VWA8: variants seen among roughly 807,000 people sequenced by gnomAD.
VWA8 encodes von Willebrand factor A domain containing 8.
VWA8 carries 221 observed loss-of-function variants against 241.5 expected under a neutral mutation model. The observed-to-expected ratio is 0.91, with a 90% confidence interval of 0.82 to 1.02. The LOEUF is 1.02. Among genes scored for constraint, VWA8 ranks in the 50% least tolerant of loss-of-function variants. The pLI, the probability that VWA8 is intolerant of heterozygous loss-of-function variation, is 0.00. For missense variants in VWA8, 2,322 were observed against 2,328.7 expected (o/e 1.00, Z 0.06); for synonymous variants, 852 against 827.1 (o/e 1.03, Z -0.52).
rs550464671 is a variant in VWA8, at chr13:41,951,287, C to T, written c.164-1274G>A. Among the ~76,000 whole-genome samples the T allele has an allele frequency of 1.4e-4, 21 of 152,136 alleles. No individual in the cohort carries two copies. The East Asian group carries it at 2.5e-3, about 18-fold the overall frequency. On this transcript the variant is annotated intron_variant, in intron 1 of 44. Transcript: ENST00000379310. ...CAAAAATTAGCTGGGCGTGGTGGTA[C>T]GTACCTGTAATCCCAGCTACTTGGG...
At chr13:41,643,877 T>C (rs754011098) in intron 37 of VWA8, among the ~76,000 whole-genome samples, 7 of 151,954 alleles carry the variant, frequency 4.6e-5, no homozygotes, top group Non-Finnish European at 8.8e-5. Context: ...TCTAATTTCA[T>C]ACAGTAGCTC....
intron 37 of VWA8, among the ~76,000 whole-genome samples, chr13:41,615,954 CTCAT>C (rs1444893405): frequency 6.6e-6 from 1 of 152,192 alleles, no homozygotes; most frequent in Non-Finnish European, 1.5e-5. Flanking sequence ...AGATCAAATT[CTCAT>C]TCATTTGTTC....
intron 22 of VWA8, among the ~76,000 whole-genome samples, chr13:41,730,437 T>C (rs1234997839): frequency 6.6e-6 from 1 of 150,996 alleles, no homozygotes; most frequent in Admixed American, 6.6e-5. Context: ...CTGGTGACAA[T>C]ATGCGGAATA....
At chr13:41,826,843 C>T (rs1871194299) in intron 14 of VWA8, among the ~76,000 whole-genome samples, 1 of 151,908 alleles carries the variant, frequency 6.6e-6, no homozygotes, top group African/African-American at 2.4e-5. Context: ...CACTGCACTC[C>T]AGTCTGGTTG....
At chr13:41,707,105 T>C (rs765069570) in intron 26 of VWA8, among the ~76,000 whole-genome samples, 5 of 152,244 alleles carry the variant, frequency 3.3e-5, no homozygotes, top group South Asian at 2.1e-4. Context: ...GGTCAAATTA[T>C]AGTATTTGAG....
At chr13:41,702,422 G>C (rs968053917) in intron 27 of VWA8, among the ~76,000 whole-genome samples, 2 of 152,210 alleles carry the variant, frequency 1.3e-5, no homozygotes, top group African/African-American at 4.8e-5. Context: ...GCAGAAAAGA[G>C]GTAGTGGCCA....
At chr13:41,609,997 G>T (rs1390492307) in intron 39 of VWA8, among the ~76,000 whole-genome samples, 1 of 152,142 alleles carries the variant, frequency 6.6e-6, no homozygotes, top group Non-Finnish European at 1.5e-5. Context: ...ATGGCAACAG[G>T]AGAAGGGCGT....
At chr13:41,769,128 A>T (rs1410986592) in intron 20 of VWA8, among the ~76,000 whole-genome samples, 1 of 152,230 alleles carries the variant, frequency 6.6e-6, no homozygotes, top group Non-Finnish European at 1.5e-5. Flanking sequence ...GCTGGTCTGC[A>T]GCTTCTGGGA....
chr13:41,763,051 T>C (rs2045752230), intron 20 of VWA8, among the ~76,000 whole-genome samples: 1 of 151,958 alleles, frequency 6.6e-6, no homozygotes, highest in African/African-American at 2.4e-5. Context: ...GAGGATCACT[T>C]GAGCCCAGGA....
chr13:41,870,635 CA>C (rs1330134932), intron 9 of VWA8, among the ~76,000 whole-genome samples: 168 of 61,176 alleles, frequency 2.7e-3, no homozygotes, highest in Middle Eastern at 0.018. Context: ...GACTCCGTCT[CA>C]AAAAAAAAAA....
chr13:41,892,346 G>A (rs1378628106), intron 4 of VWA8, among the ~76,000 whole-genome samples: 1 of 152,122 alleles, frequency 6.6e-6, no homozygotes, highest in African/African-American at 2.4e-5. Context: ...AGGAAAACCT[G>A]TCATGTTTCT....
In VWA8 at chr13:41,573,606, T is replaced by C. The variant is rs576220490; in HGVS notation, c.5370+2134A>G. 1.2e-3 allele frequency among the ~76,000 whole-genome samples: 161 copies of C among 136,720 alleles called. 1 individual carries two copies. The highest frequency in any genetic ancestry group is 4.6e-3 in the African/African-American group (148 of 32,414). The allele number at this position is 136,720 out of a possible 152,430, so 89.7% of individuals were successfully genotyped here. A position where few individuals can be genotyped will look rare whatever the true frequency, so the allele number is the denominator to read the frequency against. ...TAAAATATATATACACCTCTATATATACGCATATATATGGTGTGTGTGTGT... is the reference window on the plus strand; with the variant it reads ...TAAAATATATATACACCTCTATATACACGCATATATATGGTGTGTGTGTGT... On this transcript the variant is annotated intron_variant, in intron 43 of 44. Coordinates refer to ENST00000379310, the MANE Select transcript of VWA8 (RefSeq NM_015058.2).
intron 9 of VWA8, among the ~76,000 whole-genome samples, chr13:41,871,392 T>C (rs1398100502): frequency 6.6e-6 from 1 of 152,124 alleles, no homozygotes; most frequent in African/African-American, 2.4e-5. Flanking sequence ...GCCATGCTGG[T>C]GTGCTGCACC....
chr13:41,755,330 A>G (rs1225199762), intron 21 of VWA8, among the ~76,000 whole-genome samples: 5 of 152,046 alleles, frequency 3.3e-5, no homozygotes, highest in Admixed American at 3.3e-4. Flanking sequence ...TATATTTTAA[A>G]CAGAAATCGA....
intron 20 of VWA8, among the ~76,000 whole-genome samples, chr13:41,777,399 C>T (rs1389740959): frequency 6.6e-6 from 1 of 151,952 alleles, no homozygotes; most frequent in Non-Finnish European, 1.5e-5. Context: ...TACTGAGGAC[C>T]AGAGCAGAGA....
At chr13:41,793,541 C>T (rs549530814) in intron 17 of VWA8, among the ~76,000 whole-genome samples, 33 of 152,230 alleles carry the variant, frequency 2.2e-4, no homozygotes, top group Admixed American at 7.2e-4. Flanking sequence ...AGGTCGGGCA[C>T]GGTGGCTCAC....
intron 37 of VWA8, among the ~76,000 whole-genome samples, chr13:41,658,608 C>T (rs1409083249): frequency 2.6e-5 from 4 of 152,204 alleles, no homozygotes; most frequent in Admixed American, 2.0e-4. Flanking sequence ...TAGAAACATC[C>T]GTAATGTCTG....
At chr13:41,643,138 CT>C (rs1254067703) in intron 37 of VWA8, among the ~76,000 whole-genome samples, 3 of 152,172 alleles carry the variant, frequency 2.0e-5, no homozygotes, top group Non-Finnish European at 4.4e-5. Context: ...GTTAATTCTG[CT>C]GTTGGTCCAC....
chr13:41,949,703 A>G (rs1007365163), intron 2 of VWA8, among the ~76,000 whole-genome samples: 2 of 152,186 alleles, frequency 1.3e-5, no homozygotes, highest in Non-Finnish European at 2.9e-5. Context: ...TGAGAAAAAT[A>G]AATGTTTCTA....
Sources: gnomAD v4.1 joint callset for allele counts (sites outside exome capture counted in the v4.1 genomes callset) on GRCh38, gnomAD v4.1.1 for gene constraint, MANE v1.5 for transcripts, NCBI Gene and HGNC (gene_info 2026-07-23, HGNC 2026-07-21) for gene names.